The following M1AP variants were observed in gnomAD, a reference collection of about 807,000 sequenced individuals.
M1AP encodes the protein meiosis 1 associated protein.
In M1AP, 39 loss-of-function variants were observed where a neutral mutation model predicts 51.2. The observed-to-expected ratio is 0.76, with a 90% CI of 0.59 to 1.00. M1AP has a LOEUF of 1.00. Ranked by LOEUF, M1AP falls within the 50% of genes least tolerant of loss-of-function variation. The pLI is 0.00. For synonymous variants in M1AP, 251 were observed against 249.2 expected, an observed-to-expected ratio of 1.01 and a Z score of -0.07; for missense variants, 545 against 641.2, an observed-to-expected ratio of 0.85 and a Z score of 1.62.
chr2:74,595,685 C>T lies in M1AP; in HGVS notation c.595+11370G>A, dbSNP rs1680292395. On this transcript the variant is annotated intron_variant, in intron 4 of 10. Coordinates refer to ENST00000421985, the MANE Select transcript of M1AP (RefSeq NM_001321739.2). ...GTGGAGTTTATGTAGATGTAATACA[C>T]ATGACAATTATAACATGAAAGATAG... Among the ~76,000 whole-genome samples, 5 of 152,138 alleles carry T rather than the reference C, an allele frequency of 3.3e-5. No individual in the cohort carries two copies. The South Asian group carries it at 1.0e-3, about 32-fold the overall frequency.
chr2:74,628,919 A>T, intron 2 of M1AP: 1 of 394,332 alleles, frequency 2.5e-6, no homozygotes. Flanking sequence ...CTGCAGTGTC[A>T]TCATTACTAT....
chr2:74,630,576 T>C (rs954118866), intron 2 of M1AP, among the ~76,000 whole-genome samples: 1 of 152,218 alleles, frequency 6.6e-6, no homozygotes, highest in Admixed American at 6.5e-5. Flanking sequence ...AGTGAGAACA[T>C]GCCGTCTTTG....
intron 1 of M1AP, among the ~76,000 whole-genome samples, chr2:74,647,618 G>A (rs1363834516): frequency 6.6e-6 from 1 of 152,176 alleles, no homozygotes; most frequent in Non-Finnish European, 1.5e-5. Flanking sequence ...TCGTGGCCGG[G>A]CACGGTGGCT....
At chr2:74,639,976 C>A (rs1300796908) in intron 2 of M1AP, 60 bp downstream of exon 2, 2 of 1,446,128 alleles carry the variant, frequency 1.4e-6, no homozygotes, top group African/African-American at 2.8e-5. Context: ...ATCTCTATTC[C>A]AGAAACCTTA....
Position 74,561,118 on chromosome 2 carries a change from GAGGAGGAGA to G in M1AP, c.1282-836_1282-828del, listed in dbSNP as rs1558643636. ...GGAGAAGGAGGAGGAGGAGAAGGAG[GAGGAGGAGA>G]AGGAGGAGGAGGAGAAGGAGGAGGA... On this transcript the variant is annotated intron_variant, in intron 8 of 10. Coordinates refer to ENST00000421985, the MANE Select transcript of M1AP (RefSeq NM_001321739.2). Among the ~76,000 whole-genome samples the G allele has an allele frequency of 8.0e-4, 105 of 131,814 alleles. 1 individual carries two copies. The highest frequency in any genetic ancestry group is 3.8e-3 in the Middle Eastern group (1 of 264). 86.5% of individuals were successfully genotyped at this position (131,814 alleles called of 152,430 possible).
At chr2:74,566,613 C>T (rs936635411) in intron 7 of M1AP, among the ~76,000 whole-genome samples, 3 of 152,154 alleles carry the variant, frequency 2.0e-5, no homozygotes, top group African/African-American at 4.8e-5. Context: ...CACTGACTCA[C>T]GCTAGGCTGC....
intron 1 of M1AP, among the ~76,000 whole-genome samples, chr2:74,646,056 T>C (rs1683592793): frequency 6.6e-6 from 1 of 152,220 alleles, no homozygotes; most frequent in South Asian, 2.1e-4. Flanking sequence ...TAGTATAGTA[T>C]ACTGATATAG....
intron 4 of M1AP, among the ~76,000 whole-genome samples, chr2:74,595,047 A>G (rs1680252955): frequency 1.3e-5 from 2 of 152,212 alleles, no homozygotes; most frequent in African/African-American, 4.8e-5. Flanking sequence ...CATACAGGGA[A>G]AAATGAGTTA....
Position 74,558,650 on chromosome 2 carries a change from T to C in M1AP, c.*66A>G, listed in dbSNP as rs1040330423. 3 of 1,570,688 alleles carry C rather than the reference T, an allele frequency of 1.9e-6. No homozygotes were observed. Among genetic ancestry groups the C allele is most frequent in the African/African-American group, 1.4e-5 (1 of 73,172 alleles). On this transcript the variant is annotated 3_prime_UTR_variant, in exon 11 of 11. Coordinates refer to ENST00000421985, the MANE Select transcript of M1AP (RefSeq NM_001321739.2). ...GATAGAGAGCAAGTCTGACCACAGA[T>C]AGCCATTATGTGAACCTGAGCATGG... is the stretch of plus-strand genomic sequence containing the variant.
intron 7 of M1AP, 99 bp downstream of exon 7, chr2:74,575,339 G>T: frequency 6.4e-7 from 1 of 1,558,042 alleles, no homozygotes; most frequent in Admixed American, 1.9e-5. Flanking sequence ...CTTGAGGGTT[G>T]AGGCAGATTT....
chr2:74,610,479 T>C (rs1681271743), intron 3 of M1AP, among the ~76,000 whole-genome samples: 1 of 151,968 alleles, frequency 6.6e-6, no homozygotes, highest in African/African-American at 2.4e-5. Flanking sequence ...GTCAGGGTCT[T>C]GCTCTGTTGC....
At chr2:74,632,744 G>A (rs532969466) in intron 2 of M1AP, among the ~76,000 whole-genome samples, 208 of 152,192 alleles carry the variant, frequency 1.4e-3, no homozygotes, top group African/African-American at 4.7e-3. Context: ...GCTTGATGTC[G>A]TTAATCAGCT....
At chr2:74,561,223 G>GAGGAGGAGA (rs1458176730) in intron 8 of M1AP, among the ~76,000 whole-genome samples, 3 of 136,570 alleles carry the variant, frequency 2.2e-5, no homozygotes, top group Non-Finnish European at 4.6e-5. Flanking sequence ...GGAGAAGGAG[G>GAGGAGGAGA]AGGAGGAGAA....
At chr2:74,647,270 T>C (rs1347802601) in intron 1 of M1AP, 8 of 985,206 alleles carry the variant, frequency 8.1e-6, no homozygotes, top group African/African-American at 1.7e-5. Flanking sequence ...CCCCGGGAGA[T>C]CCACCTCTCA....
intron 2 of M1AP, among the ~76,000 whole-genome samples, chr2:74,621,327 T>C (rs1027542560): frequency 6.6e-6 from 1 of 151,226 alleles, no homozygotes; most frequent in African/African-American, 2.4e-5. Flanking sequence ...AGCAGCACTT[T>C]CCCAGCTGGC....
At chr2:74,596,586 GAACAACAACAAC>G (rs202200009) in intron 4 of M1AP, among the ~76,000 whole-genome samples, 3 of 150,576 alleles carry the variant, frequency 2.0e-5, no homozygotes, top group African/African-American at 4.9e-5. Context: ...CATCTCAAAA[GAACAACAACAAC>G]AACAACAACA....
chr2:74,620,609 G>A (rs1472462689), intron 2 of M1AP: 1 of 194,044 alleles, frequency 5.2e-6, no homozygotes, highest in Admixed American at 4.9e-5. Context: ...GAGAAGCAGA[G>A]GCCAGAGTTA....
At chr2:74,645,485 G>A (rs1054282471) in intron 1 of M1AP, among the ~76,000 whole-genome samples, 3 of 152,274 alleles carry the variant, frequency 2.0e-5, no homozygotes, top group African/African-American at 7.2e-5. Context: ...CCAAATTGAG[G>A]ACTAGCTTAA....
intron 4 of M1AP, among the ~76,000 whole-genome samples, chr2:74,588,102 TCCC>T (rs1281153173): frequency 6.6e-6 from 1 of 152,082 alleles, no homozygotes; most frequent in Non-Finnish European, 1.5e-5. Context: ...CTCCACATCT[TCCC>T]CCGTCTCACA....
Sources: gnomAD v4.1 joint callset for allele counts (sites outside exome capture counted in the v4.1 genomes callset) on GRCh38, gnomAD v4.1.1 for gene constraint, MANE v1.5 for transcripts, NCBI Gene and HGNC (gene_info 2026-07-23, HGNC 2026-07-21) for gene names.